The following STIM2 variants were observed in gnomAD, a reference collection of about 807,000 sequenced individuals.
STIM2 encodes stromal interaction molecule 2.
Under a neutral mutation model 85.8 loss-of-function variants are expected in STIM2, and 31 were observed. The ratio of observed to expected loss-of-function variants is 0.36; its 90% confidence interval spans 0.27 to 0.49. The LOEUF (loss-of-function observed/expected upper bound fraction) is 0.49, where lower values mean the gene tolerates loss of function less well. STIM2 is among the 20% of genes least tolerant of loss of function. The pLI, the probability that STIM2 is intolerant of heterozygous loss-of-function variation, is 0.98. For synonymous variants in STIM2, 356 were observed against 331.1 expected, an observed-to-expected ratio of 1.08 and a Z score of -0.82; for missense variants, 841 against 927.6, an observed-to-expected ratio of 0.91 and a Z score of 1.21.
At chr4:26,978,302 A>G (rs1211565618) in intron 3 of STIM2, among the ~76,000 whole-genome samples, 1 of 148,212 alleles carries the variant, frequency 6.7e-6, no homozygotes, top group Non-Finnish European at 1.5e-5. Flanking sequence ...TGAAAATATA[A>G]ATCTATATAT....
intron 3 of STIM2, among the ~76,000 whole-genome samples, chr4:26,985,763 A>C (rs1211581041): frequency 2.0e-5 from 3 of 152,164 alleles, no homozygotes; most frequent in African/African-American, 7.2e-5. Flanking sequence ...TAATTTTCCC[A>C]AAGAAACTTT....
At chr4:26,867,226 A>T (rs766018417) in intron 1 of STIM2, among the ~76,000 whole-genome samples, 1 of 152,228 alleles carries the variant, frequency 6.6e-6, no homozygotes, top group Admixed American at 6.5e-5. Flanking sequence ...AAGCATACAG[A>T]ATTTATAGAA....
At chr4:26,881,842 T>C (rs955839010) in intron 1 of STIM2, among the ~76,000 whole-genome samples, 2 of 152,234 alleles carry the variant, frequency 1.3e-5, no homozygotes, top group Non-Finnish European at 2.9e-5. Context: ...TTAAAAAATA[T>C]TGTTGTAGAC....
chr4:26,901,744 G>A (rs546054473), intron 1 of STIM2, among the ~76,000 whole-genome samples: 9 of 152,262 alleles, frequency 5.9e-5, no homozygotes, highest in African/African-American at 1.9e-4. Context: ...GAAGTTTGCC[G>A]AAGATTACAT....
At position 27,007,620 on chromosome 4, in the gene STIM2, T is replaced by C; in HGVS notation, c.1069T>C (p.Leu357=). The C allele has an allele frequency of 6.2e-7, 1 of 1,608,226 alleles. No homozygotes were observed. The highest frequency in any genetic ancestry group is 1.3e-5 in the African/African-American group (1 of 74,814). The change falls in exon 8 of 12, where the codon TTA becomes CTA. Residue 357 remains leucine (L), a synonymous_variant. Coordinates refer to ENST00000467087, the MANE Select transcript of STIM2 (RefSeq NM_020860.4). The stretch of plus-strand genomic sequence containing the variant: ...AGATGCACTTCAGAAATGGCTTCAG[T>C]TAACACATGAAGTAGAAGTGCAATA...
intron 1 of STIM2, among the ~76,000 whole-genome samples, chr4:26,875,442 G>GTAGC (rs1475492117): frequency 6.6e-6 from 1 of 152,040 alleles, no homozygotes; most frequent in Non-Finnish European, 1.5e-5. Flanking sequence ...TTTCAAGCAG[G>GTAGC]TAGCTGGTAG....
At chr4:26,927,706 AACTTGAATAAAAAAAAAAAC>A (rs1725013117) in intron 2 of STIM2, among the ~76,000 whole-genome samples, 1 of 115,304 alleles carries the variant, frequency 8.7e-6, no homozygotes, top group African/African-American at 3.9e-5. Flanking sequence ...AAAAAAAAAA[AACTTGAATAAAAAAAAAAAC>A]TGACTGAACT....
At chr4:26,959,981 T>G (rs1726387763) in intron 3 of STIM2, among the ~76,000 whole-genome samples, 1 of 152,174 alleles carries the variant, frequency 6.6e-6, no homozygotes. Context: ...CAAGTGATAA[T>G]AAACTTTCAC....
intron 1 of STIM2, among the ~76,000 whole-genome samples, chr4:26,908,553 A>T (rs1175382181): frequency 6.6e-6 from 1 of 152,226 alleles, no homozygotes; most frequent in Non-Finnish European, 1.5e-5. Context: ...GTGCAATCTC[A>T]GCTCACTGCA....
chr4:26,923,224 G>A (rs539881269), intron 2 of STIM2, among the ~76,000 whole-genome samples: 1 of 151,580 alleles, frequency 6.6e-6, no homozygotes, highest in Non-Finnish European at 1.5e-5. Flanking sequence ...AAACCCATCT[G>A]TACATCACCA....
intron 1 of STIM2, among the ~76,000 whole-genome samples, chr4:26,898,964 A>T (rs900480549): frequency 5.3e-5 from 8 of 151,786 alleles, no homozygotes; most frequent in Admixed American, 3.3e-4. Flanking sequence ...TTTAATCCCA[A>T]GTCTTTATAC....
At chr4:26,932,698 G>A (rs936769992) in intron 2 of STIM2, among the ~76,000 whole-genome samples, 2 of 152,316 alleles carry the variant, frequency 1.3e-5, no homozygotes, top group East Asian at 3.9e-4. Flanking sequence ...ACCATGGAGA[G>A]CCCATGGTGA....
At chr4:26,943,573 G>A (rs1371523047) in intron 2 of STIM2, among the ~76,000 whole-genome samples, 1 of 152,096 alleles carries the variant, frequency 6.6e-6, no homozygotes, top group Non-Finnish European at 1.5e-5. Flanking sequence ...TCTGGCCCCA[G>A]AGTTCTGCTT....
intron 2 of STIM2, among the ~76,000 whole-genome samples, chr4:26,934,365 A>G (rs963161745): frequency 4.6e-5 from 7 of 152,338 alleles, no homozygotes; most frequent in East Asian, 1.9e-4. Flanking sequence ...TTGTAAAGCA[A>G]TGTCATATTA....
intron 1 of STIM2, among the ~76,000 whole-genome samples, chr4:26,870,026 G>T (rs535251842): frequency 1.3e-5 from 2 of 151,936 alleles, no homozygotes; most frequent in Non-Finnish European, 2.9e-5. Flanking sequence ...TGAACGTGGA[G>T]GACATTATGC....
In STIM2 at chr4:26,994,302, A is replaced by G. The variant is rs191191063; in HGVS notation, c.398-1077A>G. ...TCGTTTCCCCAATCTTTTCCTCCCC[A>G]TTCTTTTCTATCTCAGTTAATGGTA... is the stretch of plus-strand genomic sequence containing the variant. On this transcript the variant is annotated intron_variant, in intron 3 of 11. Transcript: ENST00000467087. 4.0e-5 allele frequency among the ~76,000 whole-genome samples: 6 copies of G among 151,884 alleles called. No homozygotes were observed. In the East Asian group the frequency reaches 1.2e-3, roughly 29 times the overall value.
chr4:26,990,999 A>C (rs1449061088), intron 3 of STIM2, among the ~76,000 whole-genome samples: 1 of 152,202 alleles, frequency 6.6e-6, no homozygotes, highest in Non-Finnish European at 1.5e-5. Context: ...AAAGTAGTAC[A>C]GTTATTAAGG....
chr4:26,935,927 T>C (rs760132609), intron 2 of STIM2, among the ~76,000 whole-genome samples: 6 of 152,356 alleles, frequency 3.9e-5, no homozygotes, highest in Admixed American at 2.6e-4. Context: ...GCAAGATACC[T>C]TGTTTTCTGC....
chr4:26,915,454 C>T (rs1307078605), intron 1 of STIM2, among the ~76,000 whole-genome samples: 3 of 151,980 alleles, frequency 2.0e-5, no homozygotes, highest in South Asian at 4.1e-4. Context: ...AGGCTGGTCA[C>T]GGACTCCTGA....
Sources: gnomAD v4.1 joint callset for allele counts (sites outside exome capture counted in the v4.1 genomes callset) on GRCh38, gnomAD v4.1.1 for gene constraint, MANE v1.5 for transcripts, NCBI Gene and HGNC (gene_info 2026-07-23, HGNC 2026-07-21) for gene names.